GPHN: variants seen among roughly 807,000 people sequenced by gnomAD.
GPHN encodes gephyrin.
In GPHN, 17 loss-of-function variants were observed where a neutral mutation model predicts 95.5. The observed-to-expected ratio is 0.18, with a 90% CI of 0.12 to 0.27. GPHN has a LOEUF of 0.27. GPHN is among the 10% of genes least tolerant of loss of function. The pLI is 1.00. For synonymous variants in GPHN, 320 were observed against 322.5 expected (o/e 0.99, Z 0.08); for missense variants, 660 against 978.1 (o/e 0.67, Z 4.34).
Position 67,179,356 on chromosome 14 carries a change from A to G in GPHN, c.2080-222A>G, listed in dbSNP as rs570741125. On this transcript the variant is annotated intron_variant, in intron 21 of 22. Transcript: ENST00000478722. ...AGCTATGATCATGCCACTGCACTCC[A>G]GCCTGGGTAACAGAGTGAGACCTTG... Among the ~76,000 whole-genome samples, 4 of 152,334 alleles carry G rather than the reference A, an allele frequency of 2.6e-5. No individual in the cohort carries two copies. The South Asian group carries it at 8.3e-4, about 32-fold the overall frequency.
At position 66,675,010 on chromosome 14, in the gene GPHN, G is replaced by C. The variant is rs548024693; in HGVS notation, c.65-6097G>C. Among the ~76,000 whole-genome samples the C allele has an allele frequency of 2.0e-5, 3 of 152,212 alleles. No individual in the cohort carries two copies. The East Asian group carries it at 5.8e-4, about 29-fold the overall frequency. On this transcript the variant is annotated intron_variant, in intron 1 of 22. Coordinates refer to ENST00000478722, the MANE Select transcript of GPHN (RefSeq NM_020806.5). ...TTTGATCTTTTATAATAGCCATTCT[G>C]ACTGGGGTGAGATGATATCTCATTG...
At chr14:67,255,385 G>T in the GPHN span, among the ~76,000 whole-genome samples, 4 of 152,134 alleles carry the variant, frequency 2.6e-5, no homozygotes, top group Non-Finnish European at 4.4e-5. Context: ...TGACATATTT[G>T]AAAGTGTTAG....
chr14:67,695,344 T>A, the GPHN span, among the ~76,000 whole-genome samples: 2 of 152,128 alleles, frequency 1.3e-5, no homozygotes, highest in East Asian at 3.9e-4. Flanking sequence ...AGCCTTACCC[T>A]CGGGATTCCC....
chr14:67,015,552 C>G (rs1193699455), intron 9 of GPHN, among the ~76,000 whole-genome samples: 4 of 151,986 alleles, frequency 2.6e-5, no homozygotes, highest in Non-Finnish European at 5.9e-5. Context: ...CAAAAATTAG[C>G]CAGGTGTGGT....
chr14:66,684,803 A>T (rs2067234034), intron 2 of GPHN, among the ~76,000 whole-genome samples: 1 of 151,670 alleles, frequency 6.6e-6, no homozygotes. Context: ...CACAAAGTGC[A>T]GATTTGTTAC....
chr14:67,247,616 A>G, the GPHN span, among the ~76,000 whole-genome samples: 1 of 151,748 alleles, frequency 6.6e-6, no homozygotes. Flanking sequence ...GTCTCACTCT[A>G]TCCCCAGGCT....
At chr14:66,661,730 C>G (rs1055663754) in intron 1 of GPHN, among the ~76,000 whole-genome samples, 1 of 151,848 alleles carries the variant, frequency 6.6e-6, no homozygotes, top group African/African-American at 2.4e-5. Context: ...CACTTGTATT[C>G]TCTGGTTCAC....
intron 1 of GPHN, among the ~76,000 whole-genome samples, chr14:66,532,189 G>A (rs2058968855): frequency 6.6e-6 from 1 of 152,130 alleles, no homozygotes; most frequent in African/African-American, 2.4e-5. Context: ...TTGAAACTAC[G>A]ATTTAGTATT....
chr14:67,057,944 G>C (rs1004936661), intron 10 of GPHN, among the ~76,000 whole-genome samples: 2 of 152,110 alleles, frequency 1.3e-5, no homozygotes, highest in Admixed American at 1.3e-4. Context: ...CTAAAAAGTA[G>C]AATTTTCTTC....
chr14:66,722,392 C>T (rs920680702), intron 2 of GPHN, among the ~76,000 whole-genome samples: 5 of 152,094 alleles, frequency 3.3e-5, no homozygotes, highest in Admixed American at 2.6e-4. Flanking sequence ...TAACAGAGAA[C>T]ACAGAATTCT....
chr14:67,586,851 G>A, the GPHN span: 10 of 1,503,098 alleles, frequency 6.7e-6, no homozygotes, highest in Non-Finnish European at 8.9e-6. Context: ...TTCTCAGAAG[G>A]GCACTGTGCA....
intron 21 of GPHN, among the ~76,000 whole-genome samples, chr14:67,170,151 AT>A (rs1377543483): frequency 7.2e-5 from 11 of 152,332 alleles, no homozygotes; most frequent in Non-Finnish European, 1.2e-4. Flanking sequence ...CATTAAAAAA[AT>A]CTAGGCTTTC....
chr14:67,450,179 TG>T, the GPHN span: 20 of 152,926 alleles, frequency 1.3e-4, no homozygotes, highest in African/African-American at 4.8e-4. Context: ...CCGCCATGAT[TG>T]TGAGGCGTTC....
At chr14:66,686,953 A>T (rs2067407660) in intron 2 of GPHN, among the ~76,000 whole-genome samples, 1 of 152,160 alleles carries the variant, frequency 6.6e-6, no homozygotes, top group Non-Finnish European at 1.5e-5. Context: ...GAGAGTTTTT[A>T]GCATGAGGGG....
At chr14:66,981,204 GTATTTCCTTTCCTCCAGAAACA>G (rs2070648099) in intron 9 of GPHN, among the ~76,000 whole-genome samples, 1 of 151,922 alleles carries the variant, frequency 6.6e-6, no homozygotes, top group African/African-American at 2.4e-5. Context: ...TTTTATAATT[GTATTTCCTTTCCTCCAGAAACA>G]CATTAGCAAT....
chr14:66,761,037 C>G, intron 2 of GPHN: 1 of 536,188 alleles, frequency 1.9e-6, no homozygotes. Flanking sequence ...GTAACCATTT[C>G]TTTTATGTAT....
At chr14:67,659,499 T>C in the GPHN span, among the ~76,000 whole-genome samples, 3 of 151,822 alleles carry the variant, frequency 2.0e-5, no homozygotes, top group African/African-American at 7.3e-5. Flanking sequence ...GACTGTATTA[T>C]ATTAAGGATA....
At chr14:67,670,535 T>C in the GPHN span, among the ~76,000 whole-genome samples, 1 of 152,012 alleles carries the variant, frequency 6.6e-6, no homozygotes, top group African/African-American at 2.4e-5. Context: ...TATTTTAGGA[T>C]TAATCACACA....
At chr14:66,552,988 C>CTTTTTTTTTTT (rs2059875504) in intron 1 of GPHN, among the ~76,000 whole-genome samples, 1 of 131,848 alleles carries the variant, frequency 7.6e-6, no homozygotes, top group African/African-American at 2.9e-5. Flanking sequence ...TTTTTCTTTT[C>CTTTTTTTTTTT]TTTTCTTTTT....
Sources: allele counts gnomAD v4.1 joint callset (sites outside exome capture counted in the v4.1 genomes callset), GRCh38; gene constraint gnomAD v4.1.1; transcripts MANE v1.5; gene names NCBI Gene and HGNC (gene_info 2026-07-23, HGNC 2026-07-21).